MARCHF7: variants seen among roughly 807,000 people sequenced by gnomAD.
The protein encoded by MARCHF7 is membrane associated ring-CH-type finger 7, also known as E3 ubiquitin-protein ligase MARCHF7.
MARCHF7 carries 20 observed loss-of-function variants against 76.5 expected under a neutral mutation model. That is an observed-to-expected ratio of 0.26 (90% CI 0.18 to 0.38). MARCHF7 has a LOEUF of 0.38. MARCHF7 is among the 10% of genes least tolerant of loss of function. MARCHF7 has a pLI of 1.00. For synonymous variants in MARCHF7, 295 were observed against 293.0 expected (o/e 1.01, Z -0.07); for missense variants, 797 against 812.9 (o/e 0.98, Z 0.24).
Position 159,761,406 on chromosome 2 carries a change from C to CTTTTTTTTTTTTTTTT in MARCHF7, c.1894-1464_1894-1449dup, listed in dbSNP as rs747902045. 1.4e-4 allele frequency among the ~76,000 whole-genome samples: 10 copies of CTTTTTTTTTTTTTTTT among 73,778 alleles called. 2 individuals carry two copies. Among genetic ancestry groups the CTTTTTTTTTTTTTTTT allele is most frequent in the Admixed American group, 5.0e-4 (2 of 4,006 alleles). The allele number at this position is 73,778 out of a possible 152,430, so 48.4% of individuals were successfully genotyped here. A position where few individuals can be genotyped will look rare whatever the true frequency, so the allele number is the denominator to read the frequency against. ...ACAATAATTATTAAGTGAATCATTT[C>CTTTTTTTTTTTTTTTT]TTTTTTTTTTTTTTTTTTTTTTTTT... is the stretch of plus-strand genomic sequence containing the variant. On this transcript the variant is annotated intron_variant, in intron 9 of 11. Transcript: ENST00000409175.
intron 8 of MARCHF7, 108 bp downstream of exon 8, chr2:159,752,679 C>A: frequency 9.5e-7 from 1 of 1,054,912 alleles, no homozygotes; most frequent in Non-Finnish European, 1.3e-6. Context: ...TAACAAGTGT[C>A]TTAATCATTT....
chr2:159,733,695 A>G (rs1703099304), intron 4 of MARCHF7: 2 of 985,286 alleles, frequency 2.0e-6, no homozygotes, highest in Admixed American at 6.1e-5. Flanking sequence ...CAGTTATGTT[A>G]TAGACTTAAT....
At position 159,770,444 on chromosome 2, in the gene MARCHF7, T is replaced by C. The variant is rs762117956; in HGVS notation, c.*3102T>C. 1 of 152,114 alleles carries C rather than the reference T, an allele frequency of 6.6e-6. No homozygotes were observed. The highest frequency in any genetic ancestry group is 1.5e-5 in the Non-Finnish European group (1 of 68,002). The allele number at this position is 152,114 out of a possible 1,614,324, so 9.4% of individuals were successfully genotyped here. ...TTGTGATGAGTGTTTTCGATTCATG[T>C]GGTCAATAAAAAGAGACTACACAAG... On this transcript the variant is annotated 3_prime_UTR_variant, in exon 12 of 12. Coordinates refer to ENST00000409175, the MANE Select transcript of MARCHF7 (RefSeq NM_001282805.2).
At position 159,768,845 on chromosome 2, in the gene MARCHF7, G is replaced by A. The variant is rs1432239206; in HGVS notation, c.*1503G>A. 6.6e-6 allele frequency: 1 copy of A among 152,086 alleles called. No individual in the cohort carries two copies. Among genetic ancestry groups the A allele is most frequent in the African/African-American group, 2.4e-5 (1 of 41,444 alleles). The allele number at this position is 152,086 out of a possible 1,614,324, so 9.4% of individuals were successfully genotyped here. On this transcript the variant is annotated 3_prime_UTR_variant, in exon 12 of 12. Transcript: ENST00000409175. ...ACTTTTAATAAAATTCAGTATGACA[G>A]TTGTCTTCTGCTTAACCCATAAAAC...
chr2:159,741,357 A>T (rs898344348), intron 4 of MARCHF7, among the ~76,000 whole-genome samples: 3 of 152,216 alleles, frequency 2.0e-5, no homozygotes, highest in Non-Finnish European at 4.4e-5. Flanking sequence ...TCTCAAAAAA[A>T]AACAACAAAA....
At chr2:159,752,709 AT>A (rs1705800263) in intron 8 of MARCHF7, 138 bp downstream of exon 8, 2 of 729,450 alleles carry the variant, frequency 2.7e-6, no homozygotes, top group Non-Finnish European at 4.1e-6. Context: ...CAGCAGAAGC[AT>A]TAAAGAGCAT....
intron 3 of MARCHF7, 79 bp from the exon 4 acceptor site, chr2:159,728,930 G>T: frequency 1.3e-6 from 1 of 774,884 alleles, no homozygotes. Flanking sequence ...TTTTATTTGA[G>T]CTGATGATTA....
At chr2:159,724,223 T>C (rs1253238185) in intron 3 of MARCHF7, among the ~76,000 whole-genome samples, 3 of 152,232 alleles carry the variant, frequency 2.0e-5, no homozygotes, top group African/African-American at 7.2e-5. Context: ...TAAGACTTTA[T>C]TGTTGCTGTT....
chr2:159,749,567 C>G (rs533197921), intron 7 of MARCHF7, among the ~76,000 whole-genome samples: 1 of 152,056 alleles, frequency 6.6e-6, no homozygotes, highest in Non-Finnish European at 1.5e-5. Context: ...AGGCTGGTCT[C>G]GAACTCCTGA....
intron 4 of MARCHF7, 40 bp downstream of exon 4, chr2:159,729,215 CAAAATCCCTAGGGCCACTCTTT>C: frequency 6.8e-7 from 1 of 1,465,066 alleles, no homozygotes; most frequent in Non-Finnish European, 9.2e-7. Flanking sequence ...CAGCCTTTTT[CAAAATCCCTAGGGCCACTCTTT>C]TGGGGGTATT....
rs140026077 is a variant in MARCHF7 at position 159,734,042 on chromosome 2, G to C, written c.153+4867G>C. On this transcript the variant is annotated intron_variant, in intron 4 of 11. Coordinates refer to ENST00000409175, the MANE Select transcript of MARCHF7 (RefSeq NM_001282805.2). The stretch of plus-strand genomic sequence containing the variant: ...CATCTTTAAATTTTTATCACAATTT[G>C]AATGATTGGCAACTATGATCATCTT... 272 of 1,355,776 alleles carry C rather than the reference G, an allele frequency of 2.0e-4. No homozygotes were observed. In the African/African-American group the frequency reaches 3.6e-3, roughly 18 times the overall value. The allele number at this position is 1,355,776 out of a possible 1,614,324, so 84.0% of individuals were successfully genotyped here.
chr2:159,734,739 A>T (rs1703245607), intron 4 of MARCHF7, among the ~76,000 whole-genome samples: 2 of 149,442 alleles, frequency 1.3e-5, no homozygotes, highest in African/African-American at 4.9e-5. Flanking sequence ...TGGGAGGCCA[A>T]GGTGGGAGGG....
intron 4 of MARCHF7, among the ~76,000 whole-genome samples, chr2:159,742,419 A>G (rs988321051): frequency 1.3e-5 from 2 of 152,148 alleles, no homozygotes; most frequent in African/African-American, 4.8e-5. Context: ...TAAGAGGTGG[A>G]CAGGGTTCCT....
chr2:159,735,719 T>A (rs1703370377), intron 4 of MARCHF7, among the ~76,000 whole-genome samples: 1 of 152,240 alleles, frequency 6.6e-6, no homozygotes, highest in Non-Finnish European at 1.5e-5. Context: ...TTTTGTTCAT[T>A]TATTTTCTGA....
intron 10 of MARCHF7, among the ~76,000 whole-genome samples, chr2:159,764,255 T>TGTGTGTGCGCGCGC (rs10592175): frequency 0.01 from 1,316 of 131,366 alleles, 12 homozygotes; most frequent in Non-Finnish European, 0.014. Context: ...TGTGTGTGTG[T>TGTGTGTGCGCGCGC]GCGCGCGCCC....
At chr2:159,739,038 C>T (rs1043143777) in intron 4 of MARCHF7, among the ~76,000 whole-genome samples, 12 of 152,198 alleles carry the variant, frequency 7.9e-5, no homozygotes, top group South Asian at 4.1e-4. Context: ...CCCAAGCATG[C>T]GCATACACAC....
At chr2:159,760,987 T>C (rs1185882028) in intron 9 of MARCHF7, among the ~76,000 whole-genome samples, 1 of 152,222 alleles carries the variant, frequency 6.6e-6, no homozygotes, top group South Asian at 2.1e-4. Flanking sequence ...ATTTCCACAT[T>C]AACCAGTGGC....
chr2:159,719,227 G>A (rs1319015695), intron 3 of MARCHF7, among the ~76,000 whole-genome samples: 1 of 151,904 alleles, frequency 6.6e-6, no homozygotes, highest in African/African-American at 2.4e-5. Context: ...AATATTTTTT[G>A]TAGAGACGGG....
chr2:159,734,948 C>T (rs553616114), intron 4 of MARCHF7, among the ~76,000 whole-genome samples: 1 of 152,098 alleles, frequency 6.6e-6, no homozygotes, highest in African/African-American at 2.4e-5. Flanking sequence ...TGCAATTGCA[C>T]TCCAGCTTGG....
Sources: allele counts gnomAD v4.1 joint callset (sites outside exome capture counted in the v4.1 genomes callset), GRCh38; gene constraint gnomAD v4.1.1; transcripts MANE v1.5; gene names NCBI Gene and HGNC (gene_info 2026-07-23, HGNC 2026-07-21).